The following NFRKB variants were observed in gnomAD, a reference collection of about 807,000 sequenced individuals.
NFRKB encodes the protein nuclear factor related to kappaB binding protein, also known as nuclear factor related to kappa-B-binding protein.
Under a neutral mutation model 135.7 loss-of-function variants are expected in NFRKB, and 62 were observed. The observed-to-expected ratio is 0.46, with a 90% CI of 0.37 to 0.56. NFRKB has a LOEUF of 0.56. Among genes scored for constraint, NFRKB ranks in the 20% least tolerant of loss-of-function variants. NFRKB has a pLI of 0.00. For missense variants in NFRKB, 1,545 were observed against 1,662.0 expected (o/e 0.93, Z 1.22); for synonymous variants, 678 against 635.6 (o/e 1.07, Z -1.00).
chr11:129,877,008 G>T, intron 16 of NFRKB, 113 bp from the exon 17 acceptor site: 1 of 1,066,546 alleles, frequency 9.4e-7, no homozygotes, highest in Non-Finnish European at 1.4e-6. Context: ...GAAGGAACAA[G>T]TGATTCTATG....
At position 129,883,154 on chromosome 11, in the gene NFRKB, C is replaced by G. The variant is rs902476653; in HGVS notation, c.869G>C (p.Arg290Pro). ...GDLTLNDIMT[R>P]VNAGRKGSLA... Reference sequence around the variant, plus strand: ...AGAGCCCTTCCTGCCAGCATTTACTCGAGTCATGATGTCATTGAGAGTCAG... The same window carrying G: ...AGAGCCCTTCCTGCCAGCATTTACTGGAGTCATGATGTCATTGAGAGTCAG... The change falls in exon 9 of 27, where the codon CGA (arginine) becomes CCA (proline). Residue 290 changes from arginine (R) to proline (P), a missense_variant. Arg to Pro is a moderately radical substitution (Grantham distance 103). Transcript: ENST00000682444. 3 of 1,613,924 alleles carry G rather than the reference C, an allele frequency of 1.9e-6. No individual in the cohort carries two copies. The highest frequency in any genetic ancestry group is 2.5e-6 in the Non-Finnish European group (3 of 1,180,016).
chr11:129,880,671 AT>A (rs979999632), intron 13 of NFRKB, among the ~76,000 whole-genome samples: 3 of 152,118 alleles, frequency 2.0e-5, no homozygotes, highest in African/African-American at 7.2e-5. Flanking sequence ...AGAAAGGATC[AT>A]TTTGTCATTA....
chr11:129,882,064 C>T (rs1300302487), intron 11 of NFRKB, 22 bp downstream of exon 11: 1 of 1,578,270 alleles, frequency 6.3e-7, no homozygotes, highest in Admixed American at 1.9e-5. Flanking sequence ...TAATGTACCT[C>T]CAACTTTTCC....
chr11:129,890,539 C>T (rs1338061720), intron 3 of NFRKB, among the ~76,000 whole-genome samples: 1 of 152,146 alleles, frequency 6.6e-6, no homozygotes, highest in Non-Finnish European at 1.5e-5. Context: ...TGGCATACGA[C>T]CAAAGAAGAA....
intron 7 of NFRKB, 120 bp from the exon 8 acceptor site, chr11:129,884,263 C>A: frequency 9.9e-6 from 10 of 1,011,566 alleles, no homozygotes; most frequent in Non-Finnish European, 1.5e-5. Flanking sequence ...CTACAAGTAC[C>A]AAAAATCTTT....
chr11:129,886,179 T>C, intron 5 of NFRKB, 138 bp downstream of exon 5: 2 of 905,902 alleles, frequency 2.2e-6, no homozygotes, highest in Non-Finnish European at 3.4e-6. Flanking sequence ...AAGGATGGCA[T>C]AGCTTAACTG....
At chr11:129,887,567 A>G (rs1949336805) in intron 4 of NFRKB, among the ~76,000 whole-genome samples, 1 of 152,224 alleles carries the variant, frequency 6.6e-6, no homozygotes, top group Admixed American at 6.5e-5. Flanking sequence ...AGGACATTTT[A>G]TAATTCAAGT....
At chr11:129,878,952 A>G (rs1948901328) in intron 13 of NFRKB, among the ~76,000 whole-genome samples, 1 of 152,248 alleles carries the variant, frequency 6.6e-6, no homozygotes, top group Non-Finnish European at 1.5e-5. Flanking sequence ...TTTTGTAGGT[A>G]AGAAAGGCTT....
At chr11:129,895,376 C>T (rs1355687047) in intron 1 of NFRKB, 120 bp downstream of exon 1, 1 of 147,768 alleles carries the variant, frequency 6.8e-6, no homozygotes, top group African/African-American at 2.5e-5. Context: ...GCTCCCCACG[C>T]CCCGCTCCCG....
chr11:129,890,640 A>G (rs1949515360), intron 3 of NFRKB, among the ~76,000 whole-genome samples: 1 of 152,262 alleles, frequency 6.6e-6, no homozygotes, highest in Non-Finnish European at 1.5e-5. Context: ...TATGTTCAAA[A>G]TATGGCAAAA....
intron 2 of NFRKB, chr11:129,893,941 T>A (rs1949669277): frequency 6.6e-6 from 1 of 152,268 alleles, no homozygotes; most frequent in Non-Finnish European, 1.5e-5. Context: ...TTAGTCCATA[T>A]AAATTCCTGA....
Position 129,864,612 on chromosome 11 carries a change from T to G in NFRKB, c.*113A>C. The G allele has an allele frequency of 4.7e-6, 7 of 1,485,436 alleles. No homozygotes were observed. Among genetic ancestry groups the G allele is most frequent in the Non-Finnish European group, 6.4e-6 (7 of 1,092,518 alleles). The allele number at this position is 1,485,436 out of a possible 1,614,324, so 92.0% of individuals were successfully genotyped here. A position where few individuals can be genotyped will look rare whatever the true frequency, so the allele number is the denominator to read the frequency against. On this transcript the variant is annotated 3_prime_UTR_variant, in exon 27 of 27. Coordinates refer to ENST00000682444, the MANE Select transcript of NFRKB (RefSeq NM_001143835.2). ...TCCAGGCCACCGTTGCCATCACCCC[T>G]CGCCTGGCTGCCTTGAACAGGCAAG...
At chr11:129,873,465 C>T (rs1347005246) in intron 22 of NFRKB, among the ~76,000 whole-genome samples, 1 of 152,206 alleles carries the variant, frequency 6.6e-6, no homozygotes, top group Non-Finnish European at 1.5e-5. Flanking sequence ...GGCAGACTCA[C>T]AAGGTCCGCA....
In NFRKB at chr11:129,884,848, T is replaced by G; in HGVS notation, c.641-2A>C. On this transcript the variant is annotated splice_acceptor_variant, in intron 6 of 26. Transcript: ENST00000682444. LOFTEE classifies it high-confidence loss of function. The stretch of plus-strand genomic sequence containing the variant: ...AGCTCGGAAGCCATGAGCTGAGATC[T>G]TCAAAAGAAAATTGTTCTTGTAAAT... 1.9e-6 allele frequency: 3 copies of G among 1,614,182 alleles called. No individual in the cohort carries two copies. Among genetic ancestry groups the G allele is most frequent in the Non-Finnish European group, 2.5e-6 (3 of 1,180,032 alleles).
rs184234954 is a variant in NFRKB at position 129,869,485 on chromosome 11, G to T, written c.3531+9C>A. The T allele has an allele frequency of 6.3e-7, 1 of 1,596,978 alleles. No homozygotes were observed. The highest frequency in any genetic ancestry group is 1.1e-5 in the South Asian group (1 of 89,602). ...AAAGAAGGCCTAAGCTTTACCACTAGTTACTCACAGCCTGGGACGTGGACA... is the reference window on the plus strand; with the variant it reads ...AAAGAAGGCCTAAGCTTTACCACTATTTACTCACAGCCTGGGACGTGGACA... On this transcript the variant is annotated intron_variant, in intron 24 of 26. Coordinates refer to ENST00000682444, the MANE Select transcript of NFRKB (RefSeq NM_001143835.2).
chr11:129,871,404 A>G (rs1159123186), intron 23 of NFRKB, among the ~76,000 whole-genome samples: 1 of 152,034 alleles, frequency 6.6e-6, no homozygotes, highest in Admixed American at 6.6e-5. Context: ...AAGCCCACGC[A>G]TTATCCTGAT....
intron 13 of NFRKB, among the ~76,000 whole-genome samples, chr11:129,880,900 T>C (rs11221889): frequency 6.6e-6 from 1 of 151,966 alleles, no homozygotes; most frequent in Non-Finnish European, 1.5e-5. Flanking sequence ...CCTGTGAATT[T>C]CAAGAAGAAA....
At chr11:129,884,368 C>G (rs937508987) in intron 7 of NFRKB, among the ~76,000 whole-genome samples, 5 of 152,186 alleles carry the variant, frequency 3.3e-5, no homozygotes, top group Non-Finnish European at 5.9e-5. Flanking sequence ...AAGTTCTTAA[C>G]CATCTTTGCT....
intron 13 of NFRKB, among the ~76,000 whole-genome samples, chr11:129,880,722 C>A (rs777267506): frequency 7.9e-5 from 12 of 152,122 alleles, no homozygotes; most frequent in Non-Finnish European, 1.6e-4. Flanking sequence ...GACCTTAGGC[C>A]CTACGAGAGG....
Sources: allele counts gnomAD v4.1 joint callset (sites outside exome capture counted in the v4.1 genomes callset), GRCh38; gene constraint gnomAD v4.1.1; transcripts MANE v1.5; gene names NCBI Gene and HGNC (gene_info 2026-07-23, HGNC 2026-07-21).